Variants in PKD2 observed in about 807,000 individuals in gnomAD.
PKD2 encodes the protein polycystin-2.
A neutral mutation model predicts 105.9 loss-of-function variants in PKD2; 48 were observed. That is an observed-to-expected ratio of 0.45 (90% CI 0.36 to 0.58). PKD2 has a LOEUF of 0.58. Ranked by LOEUF, PKD2 falls within the 20% of genes least tolerant of loss-of-function variation. The pLI, the probability that PKD2 is intolerant of heterozygous loss-of-function variation, is 0.00. For synonymous variants in PKD2, 464 were observed against 481.1 expected, an observed-to-expected ratio of 0.96 and a Z score of 0.46; for missense variants, 1,078 against 1,255.3, an observed-to-expected ratio of 0.86 and a Z score of 2.13.
intron 1 of PKD2, among the ~76,000 whole-genome samples, chr4:88,012,829 T>C (rs1282660298): frequency 6.6e-6 from 1 of 152,184 alleles, no homozygotes; most frequent in Non-Finnish European, 1.5e-5. Context: ...TCAGACCATG[T>C]TTGATCTTTT....
chr4:88,070,040 T>A (rs1174773284), intron 13 of PKD2, among the ~76,000 whole-genome samples: 1 of 152,262 alleles, frequency 6.6e-6, no homozygotes, highest in Non-Finnish European at 1.5e-5. Context: ...TTCTGATTAC[T>A]ATCTGGAGTC....
chr4:88,010,162 G>A (rs1307840430), intron 1 of PKD2, among the ~76,000 whole-genome samples: 2 of 151,630 alleles, frequency 1.3e-5, no homozygotes, highest in African/African-American at 2.4e-5. Flanking sequence ...GGAAGCAAAC[G>A]TAGCTCACTG....
intron 2 of PKD2, among the ~76,000 whole-genome samples, chr4:88,021,624 A>C (rs1194212552): frequency 6.6e-6 from 1 of 152,202 alleles, no homozygotes; most frequent in Non-Finnish European, 1.5e-5. Flanking sequence ...ACTGCCTCTG[A>C]TTGAACAAGA....
At chr4:88,016,980 A>AG (rs1183545184) in intron 1 of PKD2, among the ~76,000 whole-genome samples, 1 of 151,698 alleles carries the variant, frequency 6.6e-6, no homozygotes, top group Non-Finnish European at 1.5e-5. Flanking sequence ...AAAAAAAAAA[A>AG]CAGAGACAGA....
intron 13 of PKD2, among the ~76,000 whole-genome samples, chr4:88,070,599 TATAG>T (rs1303536165): frequency 1.2e-3 from 113 of 98,256 alleles, no homozygotes; most frequent in East Asian, 5.0e-3. Flanking sequence ...TATATATATA[TATAG>T]AGAGAGAGAG....
chr4:88,021,211 A>G (rs780711047), intron 2 of PKD2, among the ~76,000 whole-genome samples: 12 of 152,226 alleles, frequency 7.9e-5, no homozygotes, highest in Non-Finnish European at 1.5e-4. Context: ...GCAGTCCCCA[A>G]AACTGACTGA....
chr4:88,046,886 A>C lies in PKD2; in HGVS notation c.1548+16A>C, dbSNP rs899740654. ...GATCGTTGTGGTAGGTTTGAGAACA[A>C]CACCAAATTTCCTATTCTATTCTAC... is the stretch of plus-strand genomic sequence containing the variant. On this transcript the variant is annotated intron_variant, in intron 6 of 14. Coordinates refer to ENST00000237596, the MANE Select transcript of PKD2 (RefSeq NM_000297.4). 2 of 1,405,676 alleles carry C rather than the reference A, an allele frequency of 1.4e-6. No homozygotes were observed. The highest frequency in any genetic ancestry group is 1.7e-5 in the Admixed American group (1 of 59,746). The allele number at this position is 1,405,676 out of a possible 1,614,324, so 87.1% of individuals were successfully genotyped here. A position where few individuals can be genotyped will look rare whatever the true frequency, so the allele number is the denominator to read the frequency against.
intron 7 of PKD2, among the ~76,000 whole-genome samples, chr4:88,052,384 T>G (rs975832275): frequency 1.3e-5 from 2 of 152,102 alleles, no homozygotes; most frequent in Non-Finnish European, 2.9e-5. Flanking sequence ...TCCTCCCACC[T>G]TATCCTCCGA....
chr4:88,070,110 A>G (rs1283561068), intron 13 of PKD2, among the ~76,000 whole-genome samples: 1 of 152,186 alleles, frequency 6.6e-6, no homozygotes, highest in African/African-American at 2.4e-5. Flanking sequence ...TTTGCTAGCA[A>G]TGAATTCTTT....
chr4:88,035,631 TA>T (rs1172382082), intron 2 of PKD2, among the ~76,000 whole-genome samples: 1 of 151,896 alleles, frequency 6.6e-6, no homozygotes, highest in African/African-American at 2.4e-5. Flanking sequence ...GAATGGAGAA[TA>T]GGGGTGGGGT....
chr4:88,013,432 C>T (rs184247510), intron 1 of PKD2, among the ~76,000 whole-genome samples: 3 of 152,284 alleles, frequency 2.0e-5, no homozygotes, highest in Admixed American at 1.3e-4. Flanking sequence ...AGGATAAGGC[C>T]AGGCACAGCC....
At position 88,041,779 on chromosome 4, in the gene PKD2, T is replaced by C. The variant is rs115885794; in HGVS notation, c.1095-1454T>C. ...GCCTCTCTTACCGGTCAGGGAAAGT[T>C]GAATACTGGTGCAGGGAGCTGTTTA... On this transcript the variant is annotated intron_variant, in intron 4 of 14. Coordinates refer to ENST00000237596, the MANE Select transcript of PKD2 (RefSeq NM_000297.4). 6.5e-4 allele frequency among the ~76,000 whole-genome samples: 99 copies of C among 152,330 alleles called. 1 individual carries two copies. The highest frequency in any genetic ancestry group is 2.3e-3 in the African/African-American group (97 of 41,576).
chr4:88,046,737 TC>T lies in PKD2; in HGVS notation c.1417del (p.Leu473TrpfsTer41). 4 of 1,613,504 alleles carry T rather than the reference TC, an allele frequency of 2.5e-6. No individual in the cohort carries two copies. The highest frequency in any genetic ancestry group is 3.4e-6 in the Non-Finnish European group (4 of 1,179,410). ...CGATATGTCACAACTTTTGATTTCT[TC>T]CTGGCAGCCTGTGAGATTATCTTTT... is the stretch of plus-strand genomic sequence containing the variant. Reference protein sequence around the residue: ...LIRYVTTFDFFLAACEIIFCF... With the variant: ...LIRYVTTFDFXLAACEIIFCF... On this transcript the variant is annotated frameshift_variant, in exon 6 of 15. Coordinates refer to ENST00000237596, the MANE Select transcript of PKD2 (RefSeq NM_000297.4). LOFTEE classifies it high-confidence loss of function.
Position 88,065,593 on chromosome 4 carries a change from C to CT in PKD2, c.2240+113dup, listed in dbSNP as rs111465406. On this transcript the variant is annotated intron_variant, in intron 11 of 14. Coordinates refer to ENST00000237596, the MANE Select transcript of PKD2 (RefSeq NM_000297.4). ...TCTAGCCCAAGGGCTCATACAGATA[C>CT]TTTTTTTTTTTTTTTCCAGAGGCAG... The CT allele has an allele frequency of 0.21, 209,784 of 997,112 alleles. 1,018 individuals carry two copies. The highest frequency in any genetic ancestry group is 0.3 in the East Asian group (10,921 of 36,836). The allele number at this position is 997,112 out of a possible 1,614,324, so 61.8% of individuals were successfully genotyped here.
chr4:88,067,935 C>T lies in PKD2; in HGVS notation c.2396C>T (p.Pro799Leu). 1 of 1,614,038 alleles carries T rather than the reference C, an allele frequency of 6.2e-7. No individual in the cohort carries two copies. Among genetic ancestry groups the T allele is most frequent in the Non-Finnish European group, 8.5e-7 (1 of 1,179,982 alleles). The stretch of plus-strand genomic sequence containing the variant: ...TTGGATCACAGTTCTTTACCACGTC[C>T]CATGAGCAGCCGAAGTTTCCCTCGA... Reference protein sequence around the residue: ...LDLDHSSLPRPMSSRSFPRSL... With the variant: ...LDLDHSSLPRLMSSRSFPRSL... Residue 799 changes from proline (P) to leucine (L), a missense_variant, in exon 13 of 15, where the codon CCC becomes CTC. Transcript: ENST00000237596.
chr4:88,040,990 G>A (rs557674509), intron 4 of PKD2, among the ~76,000 whole-genome samples: 1 of 152,270 alleles, frequency 6.6e-6, no homozygotes, highest in Admixed American at 6.5e-5. Flanking sequence ...GAGAAACAAA[G>A]CAGCAGGAAA....
intron 2 of PKD2, among the ~76,000 whole-genome samples, chr4:88,027,307 A>C (rs552767587): frequency 1.3e-5 from 2 of 152,308 alleles, no homozygotes; most frequent in Non-Finnish European, 2.9e-5. Flanking sequence ...TTGCATTAGC[A>C]TGGAGACAGG....
At chr4:88,008,638 T>G (rs1052659625) in intron 1 of PKD2, among the ~76,000 whole-genome samples, 1 of 152,148 alleles carries the variant, frequency 6.6e-6, no homozygotes, top group African/African-American at 2.4e-5. Context: ...GGGTTTTGTT[T>G]TTTTTTTTCT....
intron 2 of PKD2, among the ~76,000 whole-genome samples, chr4:88,032,758 G>A (rs1433179386): frequency 6.6e-6 from 1 of 152,146 alleles, no homozygotes; most frequent in African/African-American, 2.4e-5. Flanking sequence ...GATGTTAACA[G>A]TTTTATATTT....
Sources: gnomAD v4.1 joint callset for allele counts (sites outside exome capture counted in the v4.1 genomes callset) on GRCh38, gnomAD v4.1.1 for gene constraint, MANE v1.5 for transcripts, NCBI Gene and HGNC (gene_info 2026-07-23, HGNC 2026-07-21) for gene names.